ANKRD36C: variants seen among roughly 807,000 people sequenced by gnomAD.
ANKRD36C encodes ankyrin repeat domain 36C.
A neutral mutation model predicts 276.4 loss-of-function variants in ANKRD36C; 61 were observed. The observed-to-expected ratio is 0.22, with a 90% CI of 0.18 to 0.27. The LOEUF is 0.27. ANKRD36C is among the 10% of genes least tolerant of loss of function. The pLI, the probability that ANKRD36C is intolerant of heterozygous loss-of-function variation, is 1.00. For synonymous variants in ANKRD36C, 483 were observed against 680.1 expected, an observed-to-expected ratio of 0.71 and a Z score of 4.51; for missense variants, 1,447 against 2,032.3, an observed-to-expected ratio of 0.71 and a Z score of 5.54.
At chr2:95,888,633 C>G (rs1048509439) in intron 48 of ANKRD36C, among the ~76,000 whole-genome samples, 5 of 151,620 alleles carry the variant, frequency 3.3e-5, no homozygotes, top group Admixed American at 2.6e-4. Context: ...TGGAAGTGTC[C>G]TAAATTGATC....
intron 14 of ANKRD36C, among the ~76,000 whole-genome samples, chr2:95,953,350 A>G (rs1360263222): frequency 6.6e-6 from 1 of 152,132 alleles, no homozygotes; most frequent in South Asian, 2.1e-4. Flanking sequence ...CTACAGGCAC[A>G]TGATACCATG....
intron 60 of ANKRD36C, among the ~76,000 whole-genome samples, chr2:95,861,789 A>T (rs1351937775): frequency 1.3e-5 from 2 of 152,120 alleles, no homozygotes; most frequent in East Asian, 3.8e-4. Flanking sequence ...CTCAACTATA[A>T]CACAGACTGT....
At position 95,890,055 on chromosome 2, in the gene ANKRD36C, T is replaced by G. The variant is rs1014655308; in HGVS notation, c.2858-61A>C. On this transcript the variant is annotated intron_variant, in intron 46 of 66. Transcript: ENST00000456556. ...TAAATATGATAAAGTTATTCATACA[T>G]TCATACAGTGTTAGCATCAATCTCT... 10 of 1,564,720 alleles carry G rather than the reference T, an allele frequency of 6.4e-6. No homozygotes were observed. The South Asian group carries it at 1.1e-4, about 17-fold the overall frequency.
intron 24 of ANKRD36C, among the ~76,000 whole-genome samples, chr2:95,933,330 G>T (rs1677620611): frequency 6.6e-6 from 1 of 152,296 alleles, no homozygotes; most frequent in Non-Finnish European, 1.5e-5. Context: ...AAAGTCAATG[G>T]TAGTCTATAG....
At chr2:95,889,978 T>C (rs766321020) in exon 47 of ANKRD36C, 5 of 1,609,822 alleles carry the variant, frequency 3.1e-6, no homozygotes, top group South Asian at 1.1e-5. Context: ...TCAAGGCTGG[T>C]TGTTTATGAG....
At chr2:95,867,283 C>G (rs1165885524) in intron 60 of ANKRD36C, among the ~76,000 whole-genome samples, 157 bp downstream of exon 80, 2 of 152,058 alleles carry the variant, frequency 1.3e-5, no homozygotes, top group African/African-American at 4.8e-5. Flanking sequence ...TGAGAAGGTA[C>G]AAGATACAGT....
intron 61 of ANKRD36C, among the ~76,000 whole-genome samples, chr2:95,857,862 G>T (rs1186405369): frequency 1.4e-5 from 2 of 145,948 alleles, no homozygotes; most frequent in Non-Finnish European, 3.1e-5. Flanking sequence ...ACCCTTTTGG[G>T]TCTGATAAGA....
intron 3 of ANKRD36C, chr2:95,986,550 C>A: frequency 1.6e-6 from 1 of 633,954 alleles, no homozygotes. Context: ...ACCATAAGTG[C>A]ATGAAAAATA....
At chr2:95,911,420 C>G (rs1271264731) in intron 42 of ANKRD36C, among the ~76,000 whole-genome samples, 5 of 151,308 alleles carry the variant, frequency 3.3e-5, no homozygotes, top group Admixed American at 6.6e-5. Flanking sequence ...TCTAAAATAG[C>G]CTTGTTAGGA....
intron 5 of ANKRD36C, 56 bp downstream of exon 5, chr2:95,980,592 A>G: frequency 1.3e-6 from 2 of 1,569,156 alleles, no homozygotes; most frequent in Non-Finnish European, 1.7e-6. Context: ...TGCAATTGCT[A>G]CAATTATTTT....
At chr2:95,851,277 A>T (rs192754800) in intron 66 of ANKRD36C, 82 bp from the exon 87 acceptor site, 1 of 944,990 alleles carries the variant, frequency 1.1e-6, no homozygotes, top group African/African-American at 1.5e-5. Flanking sequence ...GTCAAGGAGC[A>T]TCTGTACTGT....
chr2:95,984,367 T>C (rs1678984756), intron 3 of ANKRD36C, among the ~76,000 whole-genome samples: 1 of 152,074 alleles, frequency 6.6e-6, no homozygotes, highest in Non-Finnish European at 1.5e-5. Flanking sequence ...GGACACCAGA[T>C]TGGATTCTTG....
At chr2:95,855,849 A>C (rs1558616225) in exon 63 of ANKRD36C, 1 of 1,613,884 alleles carries the variant, frequency 6.2e-7, no homozygotes, top group East Asian at 2.2e-5. Flanking sequence ...AGCAGCATTC[A>C]GTCTACAACG....
rs529868462 is a variant in ANKRD36C, at chr2:95,860,909, T to C, written c.3683-835A>G. ...TTAGTGGAGTAATGAAAAGTGCTTG[T>C]GTGCTAGGAAACTTCCTAAGAACAA... On this transcript the variant is annotated intron_variant, in intron 60 of 66. Coordinates refer to ENST00000456556, the Ensembl canonical transcript of ANKRD36C. Among the ~76,000 whole-genome samples the C allele has an allele frequency of 2.5e-3, 379 of 152,216 alleles. 1 individual carries two copies. The highest frequency in any genetic ancestry group is 4.4e-3 in the Non-Finnish European group (300 of 68,008).
Position 95,880,503 on chromosome 2 carries a change from A to T in ANKRD36C, c.3397-4T>A. ...AATTTTTATTTTCAATTGTAGCCTG[A>T]ATGGGTTTTAAAACAAAGTGATTAG... On this transcript the variant is annotated splice_region_variant and splice_polypyrimidine_tract_variant and intron_variant, in intron 57 of 66. Transcript: ENST00000456556. The T allele has an allele frequency of 6.5e-7, 1 of 1,549,632 alleles. No homozygotes were observed. The highest frequency in any genetic ancestry group is 1.2e-5 in the South Asian group (1 of 83,942).
chr2:95,855,984 G>T, exon 63 of ANKRD36C: 1 of 1,612,868 alleles, frequency 6.2e-7, no homozygotes, highest in Non-Finnish European at 8.5e-7. Context: ...TATCGTTTCT[G>T]CTAATGTTTC....
At chr2:95,891,731 T>C (rs775545418) in exon 46 of ANKRD36C, 17 of 1,581,820 alleles carry the variant, frequency 1.1e-5, no homozygotes, top group African/African-American at 4.1e-5. Context: ...TTCTCGTCAC[T>C]TGTAGCCTGA....
chr2:95,939,560 C>G (rs1213341767), intron 20 of ANKRD36C, among the ~76,000 whole-genome samples: 78 of 149,152 alleles, frequency 5.2e-4, no homozygotes, highest in African/African-American at 2.0e-3. Flanking sequence ...ATAAAATTAG[C>G]CGGGCGTGGT....
intron 61 of ANKRD36C, among the ~76,000 whole-genome samples, chr2:95,858,159 A>C (rs202190052): frequency 2.0e-5 from 3 of 150,164 alleles, no homozygotes; most frequent in Non-Finnish European, 3.0e-5. Flanking sequence ...GCTGCGACCC[A>C]ACCACCTTGG....
Sources: allele counts gnomAD v4.1 joint callset (sites outside exome capture counted in the v4.1 genomes callset), GRCh38; gene constraint gnomAD v4.1.1; transcripts MANE v1.5; gene names NCBI Gene and HGNC (gene_info 2026-07-23, HGNC 2026-07-21).